STOM: variants seen among roughly 807,000 people sequenced by gnomAD.
The protein encoded by STOM is stomatin, also known as erythrocyte band 7 integral membrane protein.
Under a neutral mutation model 30.6 loss-of-function variants are expected in STOM, and 25 were observed. The observed-to-expected ratio is 0.82, with a 90% CI of 0.60 to 1.14. The LOEUF (loss-of-function observed/expected upper bound fraction) is 1.14. Ranked by LOEUF, STOM falls within the 50% of genes most tolerant of loss-of-function variation. The pLI, the probability that STOM is intolerant of heterozygous loss-of-function variation, is 0.00. For synonymous variants in STOM, 118 were observed against 130.8 expected, an observed-to-expected ratio of 0.90 and a Z score of 0.67; for missense variants, 292 against 365.2, an observed-to-expected ratio of 0.80 and a Z score of 1.63.
chr9:121,351,008 C>G (rs1357782867), intron 4 of STOM, among the ~76,000 whole-genome samples: 1 of 152,190 alleles, frequency 6.6e-6, no homozygotes, highest in Non-Finnish European at 1.5e-5. Flanking sequence ...GCCACAGCTT[C>G]TTTCTAAAGC....
In STOM at chr9:121,347,847, G is replaced by A. The variant is rs960131287; in HGVS notation, c.660+168C>T. On this transcript the variant is annotated intron_variant, in intron 6 of 6. Transcript: ENST00000286713. ...CAAATACACTCAACTGTTAGGAGTG[G>A]TGACCTCTGGGGGAATATGATTTGA... Among the ~76,000 whole-genome samples, 21 of 152,164 alleles carry A rather than the reference G, an allele frequency of 1.4e-4. 1 individual carries two copies. The highest frequency in any genetic ancestry group is 4.6e-4 in the African/African-American group (19 of 41,442).
chr9:121,347,389 C>T lies in STOM; in HGVS notation c.660+626G>A, dbSNP rs114946310. On this transcript the variant is annotated intron_variant, in intron 6 of 6. Transcript: ENST00000286713. The stretch of plus-strand genomic sequence containing the variant: ...TCAGTGCCTCCCAGAGGGGCCATGC[C>T]ACCCATGCAGGGTTAAGACATAGGC... Among the ~76,000 whole-genome samples the T allele has an allele frequency of 8.5e-3, 1,293 of 152,182 alleles. 22 individuals are homozygous for T. Among genetic ancestry groups the T allele is most frequent in the African/African-American group, 0.028 (1,174 of 41,518 alleles).
intron 2 of STOM, among the ~76,000 whole-genome samples, chr9:121,354,997 C>T (rs1348926690): frequency 1.3e-5 from 2 of 152,012 alleles, no homozygotes; most frequent in Admixed American, 1.3e-4. Context: ...CGGTGGCTCA[C>T]GCCTGTAATT....
At chr9:121,348,284 G>A (rs566750586) in intron 5 of STOM, 135 bp from the exon 6 acceptor site, 22 of 1,238,550 alleles carry the variant, frequency 1.8e-5, no homozygotes, top group African/African-American at 1.5e-4. Flanking sequence ...ACGGTGGAAC[G>A]AATGGTGACG....
rs116722857 is a variant in STOM, at chr9:121,363,706, G to C, written c.61+6421C>G. 8.1e-3 allele frequency among the ~76,000 whole-genome samples: 1,234 copies of C among 152,308 alleles called. 17 individuals carry two copies. The highest frequency in any genetic ancestry group is 0.027 in the African/African-American group (1,116 of 41,562). On this transcript the variant is annotated intron_variant, in intron 1 of 6. Coordinates refer to ENST00000286713, the MANE Select transcript of STOM (RefSeq NM_004099.6). ...AACTTGTGGGACATACAGAAACAGA[G>C]TCAGCTAGATTTGGACAATGGGCTG...
chr9:121,367,950 C>T (rs1241133385), intron 1 of STOM, among the ~76,000 whole-genome samples: 1 of 152,120 alleles, frequency 6.6e-6, no homozygotes, highest in Non-Finnish European at 1.5e-5. Context: ...GTGATTTTGC[C>T]ATGTGAGCCG....
chr9:121,353,388 G>A, intron 3 of STOM, 86 bp from the exon 4 acceptor site: 6 of 795,772 alleles, frequency 7.5e-6, no homozygotes, highest in Non-Finnish European at 1.2e-5. Context: ...TCAACCTAGT[G>A]AACTGAAAAG....
In STOM at chr9:121,348,129, A is replaced by G; in HGVS notation, c.546T>C (p.Thr182=). The change falls in exon 6 of 7, where the codon ACT becomes ACC. Residue 182 remains threonine (T), a synonymous_variant. Coordinates refer to ENST00000286713, the MANE Select transcript of STOM (RefSeq NM_004099.6). ...GCTCCACCTTTATTCCCCAGGCATCAGTGGCATCATCCAGAGTAGACTGTT... is the reference window on the plus strand; with the variant it reads ...GCTCCACCTTTATTCCCCAGGCATCGGTGGCATCATCCAGAGTAGACTGTT... ...HNMQSTLDDA[T]DAWGIKVERV... 3.7e-6 allele frequency: 6 copies of G among 1,614,208 alleles called. No individual in the cohort carries two copies. Among genetic ancestry groups the G allele is most frequent in the Non-Finnish European group, 4.2e-6 (5 of 1,180,014 alleles).
chr9:121,368,303 G>A (rs1004986866), intron 1 of STOM, among the ~76,000 whole-genome samples: 26 of 152,186 alleles, frequency 1.7e-4, no homozygotes, highest in Admixed American at 1.5e-3. Flanking sequence ...ATGACCACTT[G>A]TCTGTAAATA....
chr9:121,365,491 TC>T (rs199790291), intron 1 of STOM, among the ~76,000 whole-genome samples: 185 of 144,668 alleles, frequency 1.3e-3, no homozygotes, highest in Middle Eastern at 3.5e-3. Flanking sequence ...TTTTTTTTTT[TC>T]CCAGCTCTTT....
intron 5 of STOM, among the ~76,000 whole-genome samples, chr9:121,348,481 C>G (rs1299727530): frequency 6.6e-6 from 1 of 152,206 alleles, no homozygotes; most frequent in Non-Finnish European, 1.5e-5. Flanking sequence ...ATACTCCAGT[C>G]AAACTTTACT....
intron 1 of STOM, among the ~76,000 whole-genome samples, chr9:121,358,749 G>A (rs925827414): frequency 6.6e-6 from 1 of 152,156 alleles, no homozygotes; most frequent in Non-Finnish European, 1.5e-5. Context: ...TGGAATTACT[G>A]TCTTATTTTT....
chr9:121,370,039 G>T, intron 1 of STOM, 88 bp downstream of exon 1: 1 of 1,280,902 alleles, frequency 7.8e-7, no homozygotes, highest in Non-Finnish European at 1.1e-6. Context: ...AGCGGAGACT[G>T]GCCAGGAGCC....
At chr9:121,350,828 C>A (rs1369517812) in intron 4 of STOM, among the ~76,000 whole-genome samples, 1 of 152,200 alleles carries the variant, frequency 6.6e-6, no homozygotes, top group Non-Finnish European at 1.5e-5. Flanking sequence ...TGCCAGACAT[C>A]AAAGCAGTGA....
In STOM at chr9:121,341,166, G is replaced by A. The variant is rs770229116; in HGVS notation, c.*36C>T. On this transcript the variant is annotated 3_prime_UTR_variant, in exon 7 of 7. Transcript: ENST00000286713. ...TGAGTTAAAGGCTAATTTGGTCCCC[G>A]ACTTCATGCTTGGAAGGCTAGCGCT... is the stretch of plus-strand genomic sequence containing the variant. 3.7e-5 allele frequency: 59 copies of A among 1,612,652 alleles called. No individual in the cohort carries two copies. Among genetic ancestry groups the A allele is most frequent in the African/African-American group, 1.9e-4 (14 of 74,864 alleles).
At chr9:121,358,140 T>TA (rs35222551) in intron 1 of STOM, among the ~76,000 whole-genome samples, 25 of 134,682 alleles carry the variant, frequency 1.9e-4, no homozygotes, top group Admixed American at 3.8e-4. Context: ...GTCTCTACTT[T>TA]AAAAAAAAAA....
At chr9:121,369,919 G>T (rs1348397470) in intron 1 of STOM, 2 of 505,252 alleles carry the variant, frequency 4.0e-6, no homozygotes, top group Non-Finnish European at 3.6e-6. Flanking sequence ...GAAACGTGCC[G>T]TTGGCAGCCC....
intron 4 of STOM, 106 bp downstream of exon 4, chr9:121,353,114 A>C: frequency 3.9e-6 from 2 of 514,190 alleles, no homozygotes. Context: ...CAAACAAACA[A>C]AAATTTAAAA....
rs1158825522 is a variant in STOM at position 121,359,605 on chromosome 9, A to T, written c.62-3449T>A. Among the ~76,000 whole-genome samples, 3 of 152,162 alleles carry T rather than the reference A, an allele frequency of 2.0e-5. No individual in the cohort carries two copies. The East Asian group carries it at 5.8e-4, about 29-fold the overall frequency. On this transcript the variant is annotated intron_variant, in intron 1 of 6. Coordinates refer to ENST00000286713, the MANE Select transcript of STOM (RefSeq NM_004099.6). ...CCCAGGCATTTTTTAAAGTTACTTT[A>T]GACATGTATCTCATTTAACTCTTAC...
Sources: gnomAD v4.1 joint callset for allele counts (sites outside exome capture counted in the v4.1 genomes callset) on GRCh38, gnomAD v4.1.1 for gene constraint, MANE v1.5 for transcripts, NCBI Gene and HGNC (gene_info 2026-07-23, HGNC 2026-07-21) for gene names.